SH3RF3: variants seen among roughly 807,000 people sequenced by gnomAD.
SH3RF3 encodes SH3 domain containing ring finger 3.
A neutral mutation model predicts 66.3 loss-of-function variants in SH3RF3; 29 were observed. That is an observed-to-expected ratio of 0.44 (90% CI 0.33 to 0.60). SH3RF3 has a LOEUF of 0.60. Ranked by LOEUF, SH3RF3 falls within the 20% of genes least tolerant of loss-of-function variation. The pLI, the probability that SH3RF3 is intolerant of heterozygous loss-of-function variation, is 0.04. For synonymous variants in SH3RF3, 583 were observed against 532.0 expected (o/e 1.10, Z -1.32); for missense variants, 1,194 against 1,190.9 (o/e 1.00, Z -0.04).
chr2:109,346,696 G>A (rs185476366), intron 1 of SH3RF3, among the ~76,000 whole-genome samples: 107 of 152,210 alleles, frequency 7.0e-4, no homozygotes, highest in Admixed American at 2.7e-3. Flanking sequence ...CGGATTCTTT[G>A]ACAGGCTCCT....
chr2:109,228,911 C>T (rs1679434715), intron 1 of SH3RF3, among the ~76,000 whole-genome samples: 2 of 152,150 alleles, frequency 1.3e-5, no homozygotes, highest in South Asian at 2.1e-4. Context: ...CCCCTCTGCC[C>T]TCTTTGGAGG....
chr2:109,457,012 G>A (rs1430617291), intron 8 of SH3RF3, among the ~76,000 whole-genome samples: 5 of 152,152 alleles, frequency 3.3e-5, no homozygotes, highest in African/African-American at 1.2e-4. Flanking sequence ...GTGGACCTGG[G>A]GTCGGCTGCC....
At chr2:109,169,658 A>G (rs1574484950) in intron 1 of SH3RF3, among the ~76,000 whole-genome samples, 1 of 152,296 alleles carries the variant, frequency 6.6e-6, no homozygotes, top group East Asian at 1.9e-4. Context: ...GTATTTGAAC[A>G]TAGCATGTGT....
Position 109,133,253 on chromosome 2 carries a change from A to G in SH3RF3, c.573+3140A>G, listed in dbSNP as rs577421522. On this transcript the variant is annotated intron_variant, in intron 1 of 9. Coordinates refer to ENST00000309415, the MANE Select transcript of SH3RF3 (RefSeq NM_001099289.3). ...TGCCTTTGATGATATAAAAGTCGGCATTACAGCCTAATAAGTTTATCTGTA... is the reference window on the plus strand; with the variant it reads ...TGCCTTTGATGATATAAAAGTCGGCGTTACAGCCTAATAAGTTTATCTGTA... 8.5e-5 allele frequency among the ~76,000 whole-genome samples: 13 copies of G among 152,374 alleles called. No homozygotes were observed. The South Asian group carries it at 2.5e-3, about 29-fold the overall frequency.
intron 8 of SH3RF3, among the ~76,000 whole-genome samples, chr2:109,468,746 C>G (rs758763371): frequency 3.3e-5 from 5 of 149,892 alleles, no homozygotes; most frequent in Non-Finnish European, 7.4e-5. Flanking sequence ...CCCAGCTACT[C>G]AGGAGGCTGA....
intron 3 of SH3RF3, among the ~76,000 whole-genome samples, chr2:109,397,424 TC>T (rs1364398971): frequency 6.6e-6 from 1 of 152,294 alleles, no homozygotes; most frequent in East Asian, 1.9e-4. Context: ...CATAGTTTCT[TC>T]CCAGCCACCT....
chr2:109,253,575 C>T (rs1680148560), intron 1 of SH3RF3, among the ~76,000 whole-genome samples: 1 of 152,136 alleles, frequency 6.6e-6, no homozygotes, highest in Non-Finnish European at 1.5e-5. Context: ...GATGTTGAGG[C>T]AGCAAATTCT....
At chr2:109,224,984 T>C (rs1679338705) in intron 1 of SH3RF3, among the ~76,000 whole-genome samples, 1 of 152,182 alleles carries the variant, frequency 6.6e-6, no homozygotes, top group East Asian at 1.9e-4. Flanking sequence ...AAAAATCTTA[T>C]TTTAAAAAGA....
intron 8 of SH3RF3, among the ~76,000 whole-genome samples, chr2:109,467,288 G>A (rs1678378967): frequency 6.6e-6 from 1 of 152,236 alleles, no homozygotes; most frequent in Non-Finnish European, 1.5e-5. Flanking sequence ...ACCCTGCAAA[G>A]GGGCACCACC....
chr2:109,418,599 A>G (rs1676786790), intron 4 of SH3RF3, among the ~76,000 whole-genome samples: 1 of 152,036 alleles, frequency 6.6e-6, no homozygotes, highest in Non-Finnish European at 1.5e-5. Flanking sequence ...GATACTCATC[A>G]TTGGATTTGG....
At chr2:109,135,714 A>G (rs1488292029) in intron 1 of SH3RF3, among the ~76,000 whole-genome samples, 1 of 152,080 alleles carries the variant, frequency 6.6e-6, no homozygotes, top group African/African-American at 2.4e-5. Flanking sequence ...CTTTGCCTCT[A>G]GATTCAGTCA....
chr2:109,304,613 A>C (rs919370117), intron 1 of SH3RF3, among the ~76,000 whole-genome samples: 7 of 152,188 alleles, frequency 4.6e-5, no homozygotes, highest in Non-Finnish European at 1.0e-4. Context: ...AGTTCAGACT[A>C]TTTAGAGCTA....
intron 1 of SH3RF3, among the ~76,000 whole-genome samples, chr2:109,254,962 A>G (rs912343304): frequency 1.1e-4 from 16 of 152,168 alleles, no homozygotes; most frequent in African/African-American, 2.9e-4. Flanking sequence ...TTGAACACCT[A>G]TGTGGGGCTC....
At chr2:109,138,850 A>G (rs889449026) in intron 1 of SH3RF3, among the ~76,000 whole-genome samples, 3 of 152,216 alleles carry the variant, frequency 2.0e-5, no homozygotes, top group African/African-American at 7.2e-5. Context: ...CCCTGTTGCA[A>G]ATACTGTGTT....
intron 1 of SH3RF3, among the ~76,000 whole-genome samples, chr2:109,332,830 T>C (rs2105495316): frequency 6.6e-6 from 1 of 152,350 alleles, no homozygotes; most frequent in East Asian, 1.9e-4. Flanking sequence ...ACGTGCACAG[T>C]ATGTTAATTG....
intron 1 of SH3RF3, among the ~76,000 whole-genome samples, chr2:109,209,242 A>G (rs1678910520): frequency 1.3e-5 from 2 of 152,142 alleles, no homozygotes; most frequent in African/African-American, 2.4e-5. Flanking sequence ...GGGCTGTAGG[A>G]AAACTGAGAG....
intron 1 of SH3RF3, among the ~76,000 whole-genome samples, chr2:109,264,899 C>T (rs1297516002): frequency 6.6e-6 from 1 of 152,242 alleles, no homozygotes; most frequent in Non-Finnish European, 1.5e-5. Context: ...CCAGACATCT[C>T]AGTCTGCCTT....
intron 1 of SH3RF3, among the ~76,000 whole-genome samples, chr2:109,131,185 T>G (rs1558916543): frequency 6.6e-6 from 1 of 152,154 alleles, no homozygotes; most frequent in Non-Finnish European, 1.5e-5. Context: ...TCTCTAAGGT[T>G]AAGGTTAGGA....
intron 8 of SH3RF3, among the ~76,000 whole-genome samples, chr2:109,454,365 T>G (rs1005144236): frequency 6.6e-6 from 1 of 152,224 alleles, no homozygotes; most frequent in African/African-American, 2.4e-5. Flanking sequence ...CTGAAGGGTC[T>G]GGGCCATTTT....
Sources: gnomAD v4.1 joint callset for allele counts (sites outside exome capture counted in the v4.1 genomes callset) on GRCh38, gnomAD v4.1.1 for gene constraint, MANE v1.5 for transcripts, NCBI Gene and HGNC (gene_info 2026-07-23, HGNC 2026-07-21) for gene names.